Variants in ZFAT observed in about 807,000 individuals in gnomAD.
The protein encoded by ZFAT is zinc finger protein ZFAT.
In ZFAT, 64 loss-of-function variants were observed where a neutral mutation model predicts 117.7. That is an observed-to-expected ratio of 0.54 (90% confidence interval 0.44 to 0.67). The LOEUF is 0.67. Ranked by LOEUF, ZFAT falls within the 30% of genes least tolerant of loss-of-function variation. The pLI is 0.00. For missense variants in ZFAT, 1,433 were observed against 1,584.5 expected (o/e 0.90, Z 1.62); for synonymous variants, 679 against 615.0 (o/e 1.10, Z -1.54).
chr8:134,802,399 AC>A, the ZFAT span, among the ~76,000 whole-genome samples: 11 of 152,194 alleles, frequency 7.2e-5, no homozygotes. Context: ...ACGCAATACC[AC>A]ATGCATGCTG....
the ZFAT span, among the ~76,000 whole-genome samples, chr8:134,804,648 TTAAC>T: frequency 1.3e-5 from 2 of 152,142 alleles, no homozygotes; most frequent in African/African-American, 2.4e-5. Context: ...CACTTTTTAT[TTAAC>T]TAAATTCTCT....
At chr8:134,807,806 T>C in the ZFAT span, among the ~76,000 whole-genome samples, 3 of 151,390 alleles carry the variant, frequency 2.0e-5, no homozygotes, top group African/African-American at 7.3e-5. Context: ...TCTCTATATA[T>C]CCAATGTTAA....
chr8:134,755,409 CAAAAAAAAAA>C, the ZFAT span, among the ~76,000 whole-genome samples: 10 of 55,342 alleles, frequency 1.8e-4, 1 homozygote, highest in East Asian at 5.7e-3. Flanking sequence ...GACTCTGTCT[CAAAAAAAAAA>C]AAAAAAAAGC....
upstream of ZFAT, among the ~76,000 whole-genome samples, chr8:134,715,466 G>C (rs1814201304): frequency 6.6e-6 from 1 of 152,226 alleles, no homozygotes; most frequent in Non-Finnish European, 1.5e-5. Flanking sequence ...TTCTGTGGGG[G>C]AATCCAGGTT....
chr8:134,800,401 G>A, the ZFAT span: 1 of 401,706 alleles, frequency 2.5e-6, no homozygotes, highest in African/African-American at 2.2e-5. Flanking sequence ...CTTTTTCTCT[G>A]GGAGAACAAA....
chr8:134,823,273 A>G, the ZFAT span, among the ~76,000 whole-genome samples: 20 of 152,236 alleles, frequency 1.3e-4, no homozygotes, highest in Admixed American at 1.2e-3. Context: ...AAACACAGTA[A>G]CTAACTAAAA....
intron 15 of ZFAT, among the ~76,000 whole-genome samples, chr8:134,479,346 G>A (rs1217873163): frequency 6.6e-6 from 1 of 152,246 alleles, no homozygotes. Context: ...GGGCTGGACA[G>A]GAGAGCCTTC....
chr8:134,546,995 C>G (rs867975320), intron 11 of ZFAT, among the ~76,000 whole-genome samples: 4 of 152,292 alleles, frequency 2.6e-5, no homozygotes, highest in Middle Eastern at 6.8e-3. Flanking sequence ...AAGATGAGCT[C>G]AAGGAGGGGA....
chr8:134,501,769 T>C (rs1005068070), intron 15 of ZFAT, among the ~76,000 whole-genome samples: 6 of 152,208 alleles, frequency 3.9e-5, no homozygotes, highest in Non-Finnish European at 8.8e-5. Flanking sequence ...GACTTGTTTA[T>C]AGTAGAAGTC....
rs189573804 is a variant in ZFAT at position 134,617,767 on chromosome 8, C to T, written c.449-7112G>A. The stretch of plus-strand genomic sequence containing the variant: ...ACCCACCTTGCACATGCACAAAAGC[C>T]CTCTGAGCTGCCGTAAACCACAGGC... On this transcript the variant is annotated intron_variant, in intron 3 of 15. Coordinates refer to ENST00000377838, the MANE Select transcript of ZFAT (RefSeq NM_020863.4). Among the ~76,000 whole-genome samples the T allele has an allele frequency of 2.6e-5, 4 of 152,292 alleles. No individual in the cohort carries two copies. In the East Asian group the frequency reaches 7.7e-4, roughly 29 times the overall value.
chr8:134,542,309 A>T lies in ZFAT; in HGVS notation c.2977-9337T>A, dbSNP rs553219220. On this transcript the variant is annotated intron_variant, in intron 11 of 15. Coordinates refer to ENST00000377838, the MANE Select transcript of ZFAT (RefSeq NM_020863.4). ...AACAAGTGTCTTTCTTTTCTTTCCA[A>T]CTTTTATTTTAGGCTCAAAGGGTAT... 2.6e-5 allele frequency among the ~76,000 whole-genome samples: 4 copies of T among 152,176 alleles called. No individual in the cohort carries two copies. The South Asian group carries it at 8.3e-4, about 32-fold the overall frequency.
At chr8:134,614,028 G>C (rs1421498423) in intron 3 of ZFAT, among the ~76,000 whole-genome samples, 2 of 152,196 alleles carry the variant, frequency 1.3e-5, no homozygotes, top group African/African-American at 4.8e-5. Flanking sequence ...TCTGCTAACA[G>C]TATCTTGACT....
chr8:134,573,238 G>A (rs777570644), intron 10 of ZFAT, among the ~76,000 whole-genome samples: 6 of 152,078 alleles, frequency 3.9e-5, no homozygotes, highest in Non-Finnish European at 5.9e-5. Flanking sequence ...GCATGTGTGC[G>A]TGTATGTGTG....
chr8:134,696,920 A>AT (rs35879552), intron 1 of ZFAT, among the ~76,000 whole-genome samples: 1,475 of 144,528 alleles, frequency 0.01, 18 homozygotes, highest in African/African-American at 0.025. Flanking sequence ...TAATCCAACA[A>AT]TTTTTTTTTT....
chr8:134,772,328 G>A, the ZFAT span, among the ~76,000 whole-genome samples: 44,195 of 152,102 alleles, frequency 0.29, 6,624 homozygotes, highest in Non-Finnish European at 0.33. Context: ...AAAAGTTCAC[G>A]AAGGAAATTC....
chr8:134,747,892 G>T, the ZFAT span, among the ~76,000 whole-genome samples: 1 of 152,294 alleles, frequency 6.6e-6, no homozygotes, highest in Non-Finnish European at 1.5e-5. Flanking sequence ...ATAGCCACCT[G>T]GGCTTTGGTC....
chr8:134,601,684 C>G lies in ZFAT; in HGVS notation c.2035G>C (p.Ala679Pro), dbSNP rs188333537. Reference protein sequence around the residue: ...DPSRCLRSNPAEASDLLPPVA... With the variant: ...DPSRCLRSNPPEASDLLPPVA... Reference sequence around the variant, plus strand: ...GGAGGGAGGAGGTCTGAGGCCTCAGCTGGGTTTGACCTGAGACACCTGCTG... The same window carrying G: ...GGAGGGAGGAGGTCTGAGGCCTCAGGTGGGTTTGACCTGAGACACCTGCTG... The change falls in exon 6 of 16, where the codon GCT becomes CCT. Residue 679 changes from alanine to proline, a missense_variant. By Grantham distance (27) the Ala-to-Pro change is conservative (BLOSUM62 -1). Around this residue, in one of 5 missense-constraint regions of ZFAT, gnomAD observed 372 missense variants for 355.6 expected, o/e 1.05. Coordinates refer to ENST00000377838, the MANE Select transcript of ZFAT (RefSeq NM_020863.4). The G allele has an allele frequency of 6.2e-7, 1 of 1,613,886 alleles. No homozygotes were observed. The highest frequency in any genetic ancestry group is 1.3e-5 in the African/African-American group (1 of 75,048).
chr8:134,699,793 C>T lies in ZFAT; in HGVS notation c.19+13052G>A, dbSNP rs576523650. On this transcript the variant is annotated intron_variant, in intron 1 of 15. Coordinates refer to ENST00000377838, the MANE Select transcript of ZFAT (RefSeq NM_020863.4). ...GAGCACCTCACACAGCACTGGGACA[C>T]GGTGGAAGCTATGATTGCAGATAAC... Among the ~76,000 whole-genome samples, 7 of 152,208 alleles carry T rather than the reference C, an allele frequency of 4.6e-5. No individual in the cohort carries two copies. The South Asian group carries it at 8.3e-4, about 18-fold the overall frequency.
At position 134,657,781 on chromosome 8, in the gene ZFAT, A is replaced by T. The variant is rs1831702475; in HGVS notation, c.20-44T>A. On this transcript the variant is annotated intron_variant, in intron 1 of 15. Coordinates refer to ENST00000377838, the MANE Select transcript of ZFAT (RefSeq NM_020863.4). The stretch of plus-strand genomic sequence containing the variant: ...AAAATATGTTATTTCATCTCCACAT[A>T]AACAATTATTACTTCCAATTGCCAA... 2.5e-6 allele frequency: 4 copies of T among 1,587,642 alleles called. No individual in the cohort carries two copies. The African/African-American group carries it at 5.4e-5, about 21-fold the overall frequency.
Sources: allele counts gnomAD v4.1 joint callset (sites outside exome capture counted in the v4.1 genomes callset), GRCh38; gene constraint gnomAD v4.1.1; regional missense constraint gnomAD v4.1.1; transcripts MANE v1.5; gene names NCBI Gene and HGNC (gene_info 2026-07-23, HGNC 2026-07-21).